The following OPCML variants were observed in gnomAD, a reference collection of about 807,000 sequenced individuals.
OPCML encodes opioid-binding protein/cell adhesion molecule.
Under a neutral mutation model 37.8 loss-of-function variants are expected in OPCML, and 13 were observed. The ratio of observed to expected loss-of-function variants is 0.34; its 90% CI spans 0.22 to 0.55. The LOEUF is 0.55. Among genes scored for constraint, OPCML ranks in the 20% least tolerant of loss-of-function variants. OPCML has a pLI of 0.91. For missense variants in OPCML, 341 were observed against 435.6 expected (o/e 0.78, Z 1.93); for synonymous variants, 176 against 168.8 (o/e 1.04, Z -0.33).
chr11:132,484,465 T>C (rs1428786789), intron 4 of OPCML, among the ~76,000 whole-genome samples: 2 of 152,230 alleles, frequency 1.3e-5, no homozygotes, highest in African/African-American at 2.4e-5. Context: ...TTTACACTGT[T>C]GGTGGGACTG....
intron 2 of OPCML, among the ~76,000 whole-genome samples, chr11:132,781,476 C>T (rs1004691309): frequency 1.3e-5 from 2 of 151,974 alleles, no homozygotes; most frequent in African/African-American, 2.4e-5. Context: ...ATGGGCTCTT[C>T]GGGGTCTGCA....
chr11:133,005,883 T>G (rs1947100834), intron 1 of OPCML: 25 of 985,474 alleles, frequency 2.5e-5, no homozygotes, highest in Non-Finnish European at 2.8e-5. Flanking sequence ...TGCAGAATCC[T>G]GGAATTTCCA....
intron 1 of OPCML, among the ~76,000 whole-genome samples, chr11:132,945,676 T>C (rs1006935042): frequency 5.3e-5 from 8 of 152,272 alleles, no homozygotes; most frequent in South Asian, 2.1e-4. Context: ...TGAATTATTT[T>C]AACTTTTTGA....
At chr11:133,081,877 G>A (rs1265956646) in intron 1 of OPCML, among the ~76,000 whole-genome samples, 2 of 150,580 alleles carry the variant, frequency 1.3e-5, no homozygotes, top group East Asian at 2.0e-4. Flanking sequence ...CTTCTCAGCA[G>A]CCTTCAGCCG....
intron 1 of OPCML, among the ~76,000 whole-genome samples, chr11:133,432,951 A>G (rs1591493277): frequency 6.6e-6 from 1 of 152,204 alleles, no homozygotes; most frequent in South Asian, 2.1e-4. Context: ...TTCAGGCACT[A>G]ACCCATGAAT....
chr11:132,735,262 G>A lies in OPCML; in HGVS notation c.147-77943C>T, dbSNP rs554960337. On this transcript the variant is annotated intron_variant, in intron 2 of 7. Transcript: ENST00000524381. ...TAGACATTAAACCGAGAGTGTAGTTGTGAAATCTTTTGTTAAGATCTCAGA... is the reference window on the plus strand; with the variant it reads ...TAGACATTAAACCGAGAGTGTAGTTATGAAATCTTTTGTTAAGATCTCAGA... Among the ~76,000 whole-genome samples the A allele has an allele frequency of 9.2e-5, 14 of 152,216 alleles. No homozygotes were observed. The East Asian group carries it at 1.4e-3, about 15-fold the overall frequency.
chr11:133,499,958 G>GC (rs1380124184), intron 1 of OPCML, among the ~76,000 whole-genome samples: 2 of 141,250 alleles, frequency 1.4e-5, no homozygotes, highest in South Asian at 2.3e-4. Context: ...TGCAACCTCC[G>GC]CCCCCCGGGT....
intron 3 of OPCML, among the ~76,000 whole-genome samples, chr11:132,654,537 C>G (rs12292612): frequency 1.3e-5 from 2 of 148,400 alleles, no homozygotes; most frequent in South Asian, 4.4e-4. Context: ...CCAAGAGAAG[C>G]TCCTCCCCAA....
intron 4 of OPCML, among the ~76,000 whole-genome samples, chr11:132,482,235 G>T (rs1387341983): frequency 6.6e-6 from 1 of 151,950 alleles, no homozygotes; most frequent in Admixed American, 6.6e-5. Context: ...TGATAAAGGG[G>T]ATATCACCAC....
At chr11:133,390,245 G>A (rs975481447) in intron 1 of OPCML, among the ~76,000 whole-genome samples, 15 of 152,148 alleles carry the variant, frequency 9.9e-5, no homozygotes, top group African/African-American at 3.6e-4. Context: ...GGATCACGAG[G>A]TCAGGAGATC....
intron 1 of OPCML, among the ~76,000 whole-genome samples, chr11:133,070,357 C>T (rs1266671400): frequency 6.6e-6 from 1 of 152,158 alleles, no homozygotes; most frequent in African/African-American, 2.4e-5. Context: ...GTCTAAAGCT[C>T]CCGGAACCCC....
At chr11:132,866,669 G>A (rs911781598) in intron 2 of OPCML, among the ~76,000 whole-genome samples, 4 of 152,150 alleles carry the variant, frequency 2.6e-5, no homozygotes, top group African/African-American at 7.2e-5. Context: ...TAATAATGAC[G>A]AATATTTGCA....
intron 2 of OPCML, among the ~76,000 whole-genome samples, chr11:132,828,007 G>A (rs1053633291): frequency 1.3e-5 from 2 of 152,134 alleles, no homozygotes; most frequent in Non-Finnish European, 2.9e-5. Flanking sequence ...CCTTCAATAG[G>A]TGGATAGGTA....
intron 2 of OPCML, among the ~76,000 whole-genome samples, chr11:132,930,615 A>C (rs1945165167): frequency 6.6e-6 from 1 of 152,198 alleles, no homozygotes; most frequent in Admixed American, 6.5e-5. Flanking sequence ...TTCCAATAGC[A>C]TCAAGAAGAA....
chr11:132,502,555 G>A (rs1272026807), intron 4 of OPCML, among the ~76,000 whole-genome samples: 7 of 152,216 alleles, frequency 4.6e-5, no homozygotes, highest in East Asian at 3.9e-4. Context: ...ATGGGGCCAC[G>A]GAATACAGTT....
intron 2 of OPCML, among the ~76,000 whole-genome samples, chr11:132,811,594 A>G (rs1939345265): frequency 6.6e-6 from 1 of 152,082 alleles, no homozygotes; most frequent in African/African-American, 2.4e-5. Context: ...ATGTGTCTAT[A>G]TTTATAGCTT....
chr11:132,962,728 G>T (rs1057411250), intron 1 of OPCML, among the ~76,000 whole-genome samples: 2 of 152,196 alleles, frequency 1.3e-5, no homozygotes, highest in Admixed American at 1.3e-4. Flanking sequence ...GGGAAAGAAG[G>T]CTGTGACAAA....
chr11:133,483,674 TGATAGATAGATAGATAGATAGATA>T (rs141632251), intron 1 of OPCML, among the ~76,000 whole-genome samples: 2,395 of 146,104 alleles, frequency 0.016, 72 homozygotes, highest in African/African-American at 0.057. Context: ...GATAAATAGA[TGATAGATAGATAGATAGATAGATA>T]GATAGATAGA....
chr11:132,478,680 T>C (rs2136999838), intron 4 of OPCML, among the ~76,000 whole-genome samples: 1 of 152,346 alleles, frequency 6.6e-6, no homozygotes, highest in Non-Finnish European at 1.5e-5. Flanking sequence ...ATAACTGTTG[T>C]CTTTATCATC....
Sources: gnomAD v4.1 joint callset for allele counts (sites outside exome capture counted in the v4.1 genomes callset) on GRCh38, gnomAD v4.1.1 for gene constraint, MANE v1.5 for transcripts, NCBI Gene and HGNC (gene_info 2026-07-23, HGNC 2026-07-21) for gene names.